Variants in ZNF737 observed in about 807,000 individuals in gnomAD.
ZNF737 encodes the protein zinc finger protein 102 (Y3).
Under a neutral mutation model 11.7 loss-of-function variants are expected in ZNF737, and 13 were observed. That is an observed-to-expected ratio of 1.11 (90% CI 0.73 to 1.77). The LOEUF (loss-of-function observed/expected upper bound fraction) is 1.77. Ranked by LOEUF, ZNF737 falls within the 40% of genes most tolerant of loss-of-function variation. ZNF737 has a pLI of 0.00. For missense variants in ZNF737, 636 were observed against 638.0 expected (o/e 1.00, Z 0.03); for synonymous variants, 217 against 216.2 (o/e 1.00, Z -0.03).
At chr19:20,550,861 A>G (rs541006134) in intron 3 of ZNF737, among the ~76,000 whole-genome samples, 2 of 152,348 alleles carry the variant, frequency 1.3e-5, no homozygotes, top group African/African-American at 4.8e-5. Flanking sequence ...GTGGGAAACT[A>G]CAGTACCCCT....
chr19:20,560,188 A>G (rs1386478735), intron 1 of ZNF737, among the ~76,000 whole-genome samples: 2 of 151,400 alleles, frequency 1.3e-5, no homozygotes, highest in Non-Finnish European at 3.0e-5. Flanking sequence ...AAAAAAAAAA[A>G]AAAAAAAAAT....
In ZNF737 at chr19:20,540,475, C is replaced by CT. The variant is rs1413983775; in HGVS notation, c.*4116dup. Among the ~76,000 whole-genome samples the CT allele has an allele frequency of 6.6e-6, 1 of 152,086 alleles. No homozygotes were observed. The highest frequency in any genetic ancestry group is 2.4e-5 in the African/African-American group (1 of 41,416). On this transcript the variant is annotated 3_prime_UTR_variant, in exon 4 of 4. Transcript: ENST00000427401. ...CACCTAAATAAATGTTTAAAATCATCTTTTGCTGGGCACGGTGGCTCATGA... is the reference window on the plus strand; with the variant it reads ...CACCTAAATAAATGTTTAAAATCATCTTTTTGCTGGGCACGGTGGCTCATGA...
downstream of ZNF737, among the ~76,000 whole-genome samples, chr19:20,531,045 G>A (rs1967812828): frequency 6.8e-6 from 1 of 146,914 alleles, no homozygotes; most frequent in African/African-American, 2.5e-5. Flanking sequence ...GGCCAACACA[G>A]CAAAACCCCG....
In ZNF737 at chr19:20,541,295, C is replaced by T. The variant is rs1555755060; in HGVS notation, c.*3297G>A. On this transcript the variant is annotated 3_prime_UTR_variant, in exon 4 of 4. Transcript: ENST00000427401. ...CACTCAATTCATAATTTTCTTACAC[C>T]TCAGGTTTATCTTCAGAGTAATATG... The T allele has an allele frequency of 3.0e-6, 3 of 984,350 alleles. No homozygotes were observed. The East Asian group carries it at 3.4e-4, about 112-fold the overall frequency. The allele number at this position is 984,350 out of a possible 1,614,324, so 61.0% of individuals were successfully genotyped here.
In ZNF737 at chr19:20,545,627, C is replaced by T. The variant is rs1968424287; in HGVS notation, c.576G>A (p.Lys192=). Residue 192 remains lysine, a synonymous_variant, in exon 4 of 4, where the codon AAG becomes AAA. Coordinates refer to ENST00000427401, the MANE Select transcript of ZNF737 (RefSeq NM_001159293.2). The part of the protein sequence containing the change: ...FNQSSTLTTH[K]KIHTGEKPFK... Reference sequence around the variant, plus strand: ...AGGGTTTCTCCCCAGTATGAATTTTCTTATGTGTAGTAAGGGTTGAAGACT... The same window carrying T: ...AGGGTTTCTCCCCAGTATGAATTTTTTTATGTGTAGTAAGGGTTGAAGACT... The T allele has an allele frequency of 6.2e-7, 1 of 1,613,982 alleles. No individual in the cohort carries two copies. Among genetic ancestry groups the T allele is most frequent in the Non-Finnish European group, 8.5e-7 (1 of 1,179,962 alleles).
At chr19:20,533,780 C>T (rs1298183539), downstream of ZNF737, among the ~76,000 whole-genome samples, 9 of 149,988 alleles carry the variant, frequency 6.0e-5, no homozygotes, top group African/African-American at 2.0e-4. Flanking sequence ...GAATCTGTAG[C>T]CACTAGTTAG....
At position 20,541,687 on chromosome 19, in the gene ZNF737, A is replaced by G. The variant is rs1260231618; in HGVS notation, c.*2905T>C. Among the ~76,000 whole-genome samples, 2 of 152,172 alleles carry G rather than the reference A, an allele frequency of 1.3e-5. No homozygotes were observed. Among genetic ancestry groups the G allele is most frequent in the Non-Finnish European group, 2.9e-5 (2 of 68,016 alleles). The stretch of plus-strand genomic sequence containing the variant: ...GCATTCCACCTGTCTCGGCCTCCCA[A>G]AGTGCTGGAATTACAGATGTGAGCC... On this transcript the variant is annotated 3_prime_UTR_variant, in exon 4 of 4. Transcript: ENST00000427401.
At position 20,542,671 on chromosome 19, in the gene ZNF737, ATTAC is replaced by A; in HGVS notation, c.*1917_*1920del. 2 of 983,298 alleles carry A rather than the reference ATTAC, an allele frequency of 2.0e-6. No homozygotes were observed. The highest frequency in any genetic ancestry group is 2.4e-6 in the Non-Finnish European group (2 of 828,020). 60.9% of individuals were successfully genotyped at this position (983,298 alleles called of 1,614,324 possible). On this transcript the variant is annotated 3_prime_UTR_variant, in exon 4 of 4. Transcript: ENST00000427401. ...ATTGCTCTGAACATTTACGTTATAC[ATTAC>A]TTAATAGAATTTTACTACAAACAGC...
In ZNF737 at chr19:20,543,234, T is replaced by C; in HGVS notation, c.*1358A>G. ...AAAAAGTGTTTCTAAACTTAATACA[T>C]TTGTAGGACTCATCTCCAATATAAA... On this transcript the variant is annotated 3_prime_UTR_variant, in exon 4 of 4. Transcript: ENST00000427401. The C allele has an allele frequency of 9.1e-6, 9 of 985,428 alleles. No homozygotes were observed. The highest frequency in any genetic ancestry group is 9.6e-6 in the Non-Finnish European group (8 of 829,916). 61.0% of individuals were successfully genotyped at this position (985,428 alleles called of 1,614,324 possible). A position where few individuals can be genotyped will look rare whatever the true frequency, so the allele number is the denominator to read the frequency against.
intron 1 of ZNF737, among the ~76,000 whole-genome samples, chr19:20,555,826 C>CTTTTTT (rs144778054): frequency 1.3e-5 from 2 of 148,798 alleles, no homozygotes; most frequent in African/African-American, 2.5e-5. Context: ...AAAGAAAAGC[C>CTTTTTT]TTTTTTTTTT....
intron 2 of ZNF737, 57 bp downstream of exon 2, chr19:20,553,652 A>G: frequency 6.6e-7 from 1 of 1,521,170 alleles, no homozygotes; most frequent in Non-Finnish European, 8.9e-7. Context: ...ATTCTACAAG[A>G]GAGAGAAATA....
At chr19:20,537,191 GT>G (rs113521016), downstream of ZNF737, among the ~76,000 whole-genome samples, 8,151 of 146,104 alleles carry the variant, frequency 0.056, 321 homozygotes, top group East Asian at 0.21. Flanking sequence ...TAAGGTACTG[GT>G]TTTTTTTTTT....
chr19:20,541,724 C>A lies in ZNF737; in HGVS notation c.*2868G>T, dbSNP rs1968213561. On this transcript the variant is annotated 3_prime_UTR_variant, in exon 4 of 4. Coordinates refer to ENST00000427401, the MANE Select transcript of ZNF737 (RefSeq NM_001159293.2). ...TACAGATGTGAGCCACTGTGCCTGG[C>A]CGTATTTTATTTACATTTTTGTATA... is the stretch of plus-strand genomic sequence containing the variant. Among the ~76,000 whole-genome samples, 1 of 152,144 alleles carries A rather than the reference C, an allele frequency of 6.6e-6. No individual in the cohort carries two copies. The highest frequency in any genetic ancestry group is 2.1e-4 in the South Asian group (1 of 4,826).
At chr19:20,548,162 G>A (rs1313890264) in intron 3 of ZNF737, among the ~76,000 whole-genome samples, 1 of 151,624 alleles carries the variant, frequency 6.6e-6, no homozygotes, top group African/African-American at 2.4e-5. Context: ...GAAAACAACA[G>A]CAACAACAAA....
intron 3 of ZNF737, among the ~76,000 whole-genome samples, chr19:20,548,980 AC>A (rs781841819): frequency 0.039 from 2,621 of 66,504 alleles, 55 homozygotes; most frequent in Non-Finnish European, 0.059. Context: ...AAAAAAAAAA[AC>A]AATTATGTAT....
At chr19:20,533,641 G>T (rs1967882968), downstream of ZNF737, among the ~76,000 whole-genome samples, 1 of 150,118 alleles carries the variant, frequency 6.7e-6, no homozygotes, top group South Asian at 2.2e-4. Context: ...GAAACATAAA[G>T]GTTCAGCTTC....
chr19:20,564,286 G>C (rs1443121088), intron 1 of ZNF737: 3 of 152,192 alleles, frequency 2.0e-5, no homozygotes, highest in Non-Finnish European at 4.4e-5. Flanking sequence ...ACAGGATATA[G>C]AACTGAGATA....
rs1968108537 is a variant in ZNF737 at position 20,539,374 on chromosome 19, A to G, written c.*5218T>C. ...AATACTCCCTTTGAATACTTTAGCC[A>G]GGATTTCAGATTTCAAAAGGTCAAA... On this transcript the variant is annotated 3_prime_UTR_variant, in exon 4 of 4. Transcript: ENST00000427401. 2 of 985,354 alleles carry G rather than the reference A, an allele frequency of 2.0e-6. No homozygotes were observed. Among genetic ancestry groups the G allele is most frequent in the South Asian group, 9.4e-5 (2 of 21,284 alleles). The allele number at this position is 985,354 out of a possible 1,614,324, so 61.0% of individuals were successfully genotyped here. A position where few individuals can be genotyped will look rare whatever the true frequency, so the allele number is the denominator to read the frequency against.
intron 2 of ZNF737, among the ~76,000 whole-genome samples, chr19:20,553,452 G>T (rs528733115): frequency 1.1e-4 from 16 of 152,060 alleles, no homozygotes; most frequent in Non-Finnish European, 1.5e-5. Flanking sequence ...TAGAAATGGG[G>T]TTTCACCATG....
Sources: allele counts gnomAD v4.1 joint callset (sites outside exome capture counted in the v4.1 genomes callset), GRCh38; gene constraint gnomAD v4.1.1; transcripts MANE v1.5; gene names NCBI Gene and HGNC (gene_info 2026-07-23, HGNC 2026-07-21).